Variants in MVP observed in about 807,000 individuals in gnomAD.
MVP encodes lung resistance-related protein.
In MVP, 62 loss-of-function variants were observed where a neutral mutation model predicts 83.5. That is an observed-to-expected ratio of 0.74 (90% CI 0.61 to 0.92). The LOEUF (loss-of-function observed/expected upper bound fraction) is 0.92. Among genes scored for constraint, MVP ranks in the 40% least tolerant of loss-of-function variants. The pLI, the probability that MVP is intolerant of heterozygous loss-of-function variation, is 0.00. For synonymous variants in MVP, 505 were observed against 504.1 expected (o/e 1.00, Z -0.02); for missense variants, 1,000 against 1,203.4 (o/e 0.83, Z 2.50).
rs748275799 is a variant in MVP at position 29,840,293 on chromosome 16, A to AG, written c.1030dup (p.Glu344GlyfsTer3). 3.1e-6 allele frequency: 5 copies of AG among 1,613,510 alleles called. No individual in the cohort carries two copies. Among genetic ancestry groups the AG allele is most frequent in the South Asian group, 2.2e-5 (2 of 91,054 alleles). On this transcript the variant is annotated frameshift_variant, in exon 8 of 15. Coordinates refer to ENST00000357402, the MANE Select transcript of MVP (RefSeq NM_005115.5). LOFTEE classifies it high-confidence loss of function. ...CTGAGGGCCCTGCAGCCCCTGGAGG[A>AG]GGGGGAGGATGAGGAGAAGGTCTCA...
At chr16:29,832,973 G>A (rs2067456262) in intron 3 of MVP, among the ~76,000 whole-genome samples, 1 of 151,822 alleles carries the variant, frequency 6.6e-6, no homozygotes, top group Admixed American at 6.6e-5. Flanking sequence ...GCTGAGGCAT[G>A]AGAATTACTT....
chr16:29,847,442 G>A, intron 14 of MVP, 57 bp downstream of exon 14: 1 of 1,471,620 alleles, frequency 6.8e-7, no homozygotes. Context: ...CAGGAAGGCA[G>A]AGCCAAGGCG....
rs1260665853 is a variant in MVP, at chr16:29,841,528, G to A, written c.1192-68G>A. On this transcript the variant is annotated intron_variant, in intron 8 of 14. Transcript: ENST00000357402. The surrounding 1 kb of genome is among the most constrained non-coding windows in gnomAD (Gnocchi z 4.7). ...CCTTCCCTGGATGGGCTCTGCTTTG[G>A]GACAGCTGGGCGGATCTTCCTCCCT... The A allele has an allele frequency of 2.6e-6, 4 of 1,512,822 alleles. No individual in the cohort carries two copies. Among genetic ancestry groups the A allele is most frequent in the African/African-American group, 1.4e-5 (1 of 71,760 alleles). 93.7% of individuals were successfully genotyped at this position (1,512,822 alleles called of 1,614,324 possible).
At position 29,833,811 on chromosome 16, in the gene MVP, G is replaced by A. The variant is rs753568039; in HGVS notation, c.400G>A (p.Gly134Arg). The change falls in exon 4 of 15, where the codon GGA (glycine) becomes AGA (arginine). Residue 134 changes from glycine to arginine, a missense_variant. Physicochemically the swap from Gly to Arg is moderately radical, Grantham distance 125. Transcript: ENST00000357402. The part of the protein sequence containing the change: ...KALLDFEDKD[G>R]DKVVAGDEWL... ...GCTGCTTGATTTTGAGGATAAAGAT[G>A]GAGACAAGGTGGTGGCAGGAGATGA... 5 of 1,614,088 alleles carry A rather than the reference G, an allele frequency of 3.1e-6. No individual in the cohort carries two copies. The South Asian group carries it at 5.5e-5, about 18-fold the overall frequency.
Position 29,847,969 on chromosome 16 carries a change from G to A in MVP, c.2662G>A (p.Val888Met), listed in dbSNP as rs749699271. Residue 888 changes from valine (V) to methionine (M), a missense_variant, in exon 15 of 15, where the codon GTG becomes ATG. Val to Met is a conservative substitution (Grantham distance 21, BLOSUM62 1). Transcript: ENST00000357402. Reference sequence around the variant, plus strand: ...CCCTCAAGCTCCTGGAGACAACCACGTGGTGCCTGTACTGCGCTAACTCCT... The same window carrying A: ...CCCTCAAGCTCCTGGAGACAACCACATGGTGCCTGTACTGCGCTAACTCCT... ...QAPQAPGDNH[V>M]VPVLR The A allele has an allele frequency of 6.2e-6, 10 of 1,609,302 alleles. No individual in the cohort carries two copies. Among genetic ancestry groups the A allele is most frequent in the Admixed American group, 1.7e-5 (1 of 57,866 alleles).
At chr16:29,842,281 GTTT>G (rs1020934993) in intron 10 of MVP, among the ~76,000 whole-genome samples, 169 bp downstream of exon 10, 1 of 151,886 alleles carries the variant, frequency 6.6e-6, no homozygotes, top group Admixed American at 6.6e-5. Context: ...TTTGTTTTTT[GTTT>G]TTTTAGTTTT....
intron 3 of MVP, 28 bp from the exon 4 acceptor site, chr16:29,833,705 T>C (rs1210747787): frequency 1.9e-6 from 3 of 1,613,296 alleles, no homozygotes; most frequent in Non-Finnish European, 2.5e-6. Context: ...CACTGATGGT[T>C]CTGTGTCTCC....
At chr16:29,842,601 G>A (rs578210287) in intron 10 of MVP, among the ~76,000 whole-genome samples, 1 of 152,200 alleles carries the variant, frequency 6.6e-6, no homozygotes, top group South Asian at 2.1e-4. Flanking sequence ...CACTGCACCC[G>A]GTCAACCCTG....
At chr16:29,838,567 A>G (rs1020537163) in intron 7 of MVP, among the ~76,000 whole-genome samples, 4 of 152,212 alleles carry the variant, frequency 2.6e-5, no homozygotes, top group African/African-American at 9.6e-5. Flanking sequence ...ACAGCTCATG[A>G]CTATAATCCC....
intron 1 of MVP, among the ~76,000 whole-genome samples, chr16:29,824,176 A>G (rs187359512): frequency 1.3e-3 from 167 of 133,228 alleles, no homozygotes; most frequent in African/African-American, 4.7e-3. Flanking sequence ...AGATGGCTAC[A>G]CTCCAGTCTG....
At position 29,827,156 on chromosome 16, in the gene MVP, G is replaced by A. The variant is rs745759974; in HGVS notation, c.-35-3359G>A. ...GTGTTCCCAAACCGCAGAAGAGGGA[G>A]CTCTGATGTTAGACAAGCCACCCTC... On this transcript the variant is annotated intron_variant, in intron 1 of 14. Transcript: ENST00000357402. 7.2e-5 allele frequency among the ~76,000 whole-genome samples: 11 copies of A among 152,204 alleles called. No individual in the cohort carries two copies. In the East Asian group the frequency reaches 1.9e-3, roughly 27 times the overall value.
At position 29,835,800 on chromosome 16, in the gene MVP, T is replaced by A. The variant is rs1391175278; in HGVS notation, c.672+2T>A. The A allele has an allele frequency of 3.1e-6, 5 of 1,613,024 alleles. No homozygotes were observed. The highest frequency in any genetic ancestry group is 4.2e-6 in the Non-Finnish European group (5 of 1,179,720). On this transcript the variant is annotated splice_donor_variant, in intron 6 of 14. Coordinates refer to ENST00000357402, the MANE Select transcript of MVP (RefSeq NM_005115.5). LOFTEE classifies it high-confidence loss of function. Reference sequence around the variant, plus strand: ...GACGCCGTCATCCTTACGGAAAAGGTTGGTGCTCTGGGGGCTGTGGTTTAA... The same window carrying A: ...GACGCCGTCATCCTTACGGAAAAGGATGGTGCTCTGGGGGCTGTGGTTTAA...
intron 7 of MVP, 57 bp from the exon 8 acceptor site, chr16:29,840,121 A>C: frequency 6.5e-7 from 1 of 1,531,214 alleles, no homozygotes; most frequent in Non-Finnish European, 8.8e-7. Flanking sequence ...GGGAGGTACC[A>C]TTGGAAGCAC....
At chr16:29,823,117 CTTTTCTTTTT>C (rs2067376967) in intron 1 of MVP, among the ~76,000 whole-genome samples, 1 of 120,396 alleles carries the variant, frequency 8.3e-6, no homozygotes, top group Non-Finnish European at 1.8e-5. Context: ...CTTTTCTTTT[CTTTTCTTTTT>C]TTTTTTTTTT....
At chr16:29,821,457 C>CAGGTTATCTTGGGTGCTG in intron 1 of MVP, 1 of 152,308 alleles carries the variant, frequency 6.6e-6, no homozygotes, top group Non-Finnish European at 1.5e-5. Flanking sequence ...ACGGGGTGCT[C>CAGGTTATCTTGGGTGCTG]AGGTTATCTT....
At chr16:29,828,352 T>A (rs546193311) in intron 1 of MVP, among the ~76,000 whole-genome samples, 25 of 152,134 alleles carry the variant, frequency 1.6e-4, no homozygotes, top group Non-Finnish European at 3.5e-4. Context: ...TGTAGAAAGC[T>A]CTATTGGACG....
At chr16:29,835,867 T>C (rs534513916) in intron 6 of MVP, 69 bp downstream of exon 6, 244 of 1,265,896 alleles carry the variant, frequency 1.9e-4, no homozygotes, top group Non-Finnish European at 2.6e-4. Flanking sequence ...CAGAGAATGG[T>C]GGTAGAATGG....
At chr16:29,846,893 A>G (rs971733050) in intron 13 of MVP, among the ~76,000 whole-genome samples, 1 of 152,034 alleles carries the variant, frequency 6.6e-6, no homozygotes, top group Non-Finnish European at 1.5e-5. Context: ...AAATGTAAAA[A>G]GAGGCCTAGT....
chr16:29,836,571 C>A (rs2067488607), intron 6 of MVP, 151 bp from the exon 7 acceptor site: 1 of 661,344 alleles, frequency 1.5e-6, no homozygotes, highest in Non-Finnish European at 2.5e-6. Context: ...GAGAGAGACT[C>A]CGATTTAAAA....
Sources: gnomAD v4.1 joint callset for allele counts (sites outside exome capture counted in the v4.1 genomes callset) on GRCh38, gnomAD v4.1.1 for gene constraint, Gnocchi (gnomAD v3.1) non-coding constraint, MANE v1.5 for transcripts, NCBI Gene and HGNC (gene_info 2026-07-23, HGNC 2026-07-21) for gene names.